Variants in C6orf118 observed in about 807,000 individuals in gnomAD.
The protein encoded by C6orf118 is chromosome 6 open reading frame 118, also known as uncharacterized protein C6orf118.
In C6orf118, 50 loss-of-function variants were observed where a neutral mutation model predicts 50.2. The ratio of observed to expected loss-of-function variants is 1.00; its 90% CI spans 0.79 to 1.26. The LOEUF (loss-of-function observed/expected upper bound fraction) is 1.26. Among genes scored for constraint, C6orf118 ranks in the 50% most tolerant of loss-of-function variants. The pLI, the probability that C6orf118 is intolerant of heterozygous loss-of-function variation, is 0.00. For synonymous variants in C6orf118, 239 were observed against 230.9 expected (o/e 1.03, Z -0.32); for missense variants, 641 against 578.7 (o/e 1.11, Z -1.10).
chr6:165,305,085 A>G (rs1207669386), intron 1 of C6orf118, among the ~76,000 whole-genome samples: 1 of 72,338 alleles, frequency 1.4e-5, no homozygotes, highest in Admixed American at 1.5e-4. Context: ...CTACAAGGCT[A>G]CAGTAACCAA....
At chr6:165,288,436 A>G (rs1156315014) in intron 7 of C6orf118, among the ~76,000 whole-genome samples, 1 of 152,170 alleles carries the variant, frequency 6.6e-6, no homozygotes, top group Non-Finnish European at 1.5e-5. Flanking sequence ...TCCCTTTTGT[A>G]TATACCCAAA....
intron 1 of C6orf118, among the ~76,000 whole-genome samples, chr6:165,305,647 T>A (rs1353598531): frequency 1.3e-4 from 13 of 99,224 alleles, no homozygotes; most frequent in African/African-American, 6.7e-4. Context: ...AACAACCCCA[T>A]CAAAAAGTGG....
At chr6:165,283,449 T>TC (rs1463718695) in intron 7 of C6orf118, among the ~76,000 whole-genome samples, 1 of 152,084 alleles carries the variant, frequency 6.6e-6, no homozygotes, top group Non-Finnish European at 1.5e-5. Context: ...CAAGGGGGAC[T>TC]CCCCCAAGCG....
chr6:165,279,742 C>A lies in C6orf118; in HGVS notation c.*315G>T, dbSNP rs1308597855. On this transcript the variant is annotated 3_prime_UTR_variant, in exon 9 of 9. Transcript: ENST00000230301. ...CAAATAAACAAATTTGAGCTGTATTCAAGCAGCGCTGAATTCCTTATTCTT... is the reference window on the plus strand; with the variant it reads ...CAAATAAACAAATTTGAGCTGTATTAAAGCAGCGCTGAATTCCTTATTCTT... The A allele has an allele frequency of 1.7e-5, 4 of 235,664 alleles. No individual in the cohort carries two copies. Among genetic ancestry groups the A allele is most frequent in the Non-Finnish European group, 3.2e-5 (4 of 123,856 alleles). 14.6% of individuals were successfully genotyped at this position (235,664 alleles called of 1,614,324 possible).
Position 165,286,016 on chromosome 6 carries a change from A to G in C6orf118, c.1302+3870T>C, listed in dbSNP as rs9459346. On this transcript the variant is annotated intron_variant, in intron 7 of 8. Transcript: ENST00000230301. ...TTTTTTTGAAAAAAAAATTAATAAA[A>G]TAAATAGACCACTAGCTAGATTAAT... Among the ~76,000 whole-genome samples the G allele has an allele frequency of 8.2e-3, 1,249 of 152,134 alleles. 8 individuals carry two copies. The highest frequency in any genetic ancestry group is 0.024 in the Middle Eastern group (7 of 294).
chr6:165,292,874 G>A (rs1338956841), intron 6 of C6orf118, among the ~76,000 whole-genome samples: 2 of 152,128 alleles, frequency 1.3e-5, no homozygotes, highest in South Asian at 2.1e-4. Flanking sequence ...AAGGATCTTC[G>A]AGGCCAAGCT....
At chr6:165,292,136 A>C (rs938245043) in intron 6 of C6orf118, among the ~76,000 whole-genome samples, 3 of 152,230 alleles carry the variant, frequency 2.0e-5, no homozygotes, top group Admixed American at 1.3e-4. Context: ...GTTTCAGCCC[A>C]AAACCATCAG....
rs201051493 is a variant in C6orf118 at position 165,290,035 on chromosome 6, G to A, written c.1153C>T (p.Arg385Ter). 96 of 1,602,608 alleles carry A rather than the reference G, an allele frequency of 6.0e-5. No individual in the cohort carries two copies. The highest frequency in any genetic ancestry group is 2.2e-4 in the African/African-American group (16 of 74,270). ...TCAACCTTCTCAGTAAGAGTAAGTC[G>A]GTTTTCATCAATTATATGTTTCTCA... ...SSEKHIIDEN[R>*]LTLTEKVEKK... is the part of the protein sequence containing the mutation. The change falls in exon 7 of 9, where the codon CGA (arginine) becomes TGA (stop). Residue 385 changes from arginine to a stop codon, truncating the protein, a stop_gained. Transcript: ENST00000230301. LOFTEE classifies it high-confidence loss of function.
At chr6:165,298,303 C>A (rs143583379) in intron 4 of C6orf118, among the ~76,000 whole-genome samples, 3 of 152,080 alleles carry the variant, frequency 2.0e-5, no homozygotes, top group African/African-American at 7.2e-5. Flanking sequence ...CGGTAAAATA[C>A]CTTTTTCAAT....
chr6:165,306,915 T>TTGTG (rs113585180), intron 1 of C6orf118, among the ~76,000 whole-genome samples: 3 of 151,854 alleles, frequency 2.0e-5, no homozygotes, highest in Non-Finnish European at 4.4e-5. Flanking sequence ...TCTGAAAACA[T>TTGTG]TGTGTGTGTC....
chr6:165,300,343 CT>C lies in C6orf118; in HGVS notation c.876+20del, dbSNP rs1206400316. The C allele has an allele frequency of 3.7e-6, 6 of 1,613,112 alleles. No homozygotes were observed. Among genetic ancestry groups the C allele is most frequent in the Non-Finnish European group, 5.1e-6 (6 of 1,179,534 alleles). Reference sequence around the variant, plus strand: ...TCATGCAAGCTTCTCAACTGTTATGCTGAAGATGTATGTTTCTTACCTTAAC... The same window carrying C: ...TCATGCAAGCTTCTCAACTGTTATGCGAAGATGTATGTTTCTTACCTTAAC... On this transcript the variant is annotated intron_variant, in intron 3 of 8. Coordinates refer to ENST00000230301, the MANE Select transcript of C6orf118 (RefSeq NM_144980.4).
intron 6 of C6orf118, among the ~76,000 whole-genome samples, chr6:165,292,503 C>T (rs1780140232): frequency 6.6e-6 from 1 of 152,086 alleles, no homozygotes; most frequent in African/African-American, 2.4e-5. Flanking sequence ...AAAGTAAAGC[C>T]CTTAAGTTTC....
At chr6:165,307,436 G>A (rs1443151079) in intron 1 of C6orf118, among the ~76,000 whole-genome samples, 1 of 151,876 alleles carries the variant, frequency 6.6e-6, no homozygotes, top group African/African-American at 2.4e-5. Flanking sequence ...GCGGGTACCT[G>A]TAATTACTGA....
intron 2 of C6orf118, 52 bp downstream of exon 2, chr6:165,301,517 G>C: frequency 6.4e-7 from 1 of 1,558,220 alleles, no homozygotes. Flanking sequence ...TGCACCGAGA[G>C]CTATGCCCTG....
chr6:165,301,945 G>T lies in C6orf118; in HGVS notation c.377C>A (p.Thr126Asn), dbSNP rs1780563139. ...GGGGTTCAGGTACCTGAACAGCGGG[G>T]TGTCCTGGGCCTCACTGGGGACCAG... is the stretch of plus-strand genomic sequence containing the variant. ...TALVPSEAQD[T>N]PLFRYLNPQA... is the part of the protein sequence containing the mutation. The change falls in exon 2 of 9, where the codon ACC becomes AAC. Residue 126 changes from threonine (T) to asparagine (N), a missense_variant. By Grantham distance (65) the Thr-to-Asn change is moderately conservative (BLOSUM62 0). Coordinates refer to ENST00000230301, the MANE Select transcript of C6orf118 (RefSeq NM_144980.4). The T allele has an allele frequency of 6.2e-7, 1 of 1,613,876 alleles. No homozygotes were observed.
intron 6 of C6orf118, among the ~76,000 whole-genome samples, chr6:165,292,045 A>G (rs1248992860): frequency 6.6e-6 from 1 of 152,170 alleles, no homozygotes; most frequent in African/African-American, 2.4e-5. Flanking sequence ...GGGGATAGAA[A>G]TGGTCATAGT....
At chr6:165,284,605 C>A (rs1246657084) in intron 7 of C6orf118, among the ~76,000 whole-genome samples, 3 of 152,104 alleles carry the variant, frequency 2.0e-5, no homozygotes, top group Non-Finnish European at 4.4e-5. Flanking sequence ...AAGGGAAATC[C>A]ATCAGACTAA....
chr6:165,307,344 C>G (rs1233836553), intron 1 of C6orf118, among the ~76,000 whole-genome samples: 1 of 151,696 alleles, frequency 6.6e-6, no homozygotes, highest in African/African-American at 2.4e-5. Flanking sequence ...GGATCACTTG[C>G]AATCAGGAGT....
chr6:165,289,826 G>A, intron 7 of C6orf118, 60 bp downstream of exon 7: 1 of 1,213,700 alleles, frequency 8.2e-7, no homozygotes, highest in Non-Finnish European at 1.1e-6. Context: ...TACTTCATGT[G>A]TTTGCCAAGG....
Sources: allele counts gnomAD v4.1 joint callset (sites outside exome capture counted in the v4.1 genomes callset), GRCh38; gene constraint gnomAD v4.1.1; transcripts MANE v1.5; gene names NCBI Gene and HGNC (gene_info 2026-07-23, HGNC 2026-07-21).